Variants in MYO18A observed in about 807,000 individuals in gnomAD.
The protein encoded by MYO18A is myosin XVIIIA, also known as unconventional myosin-XVIIIa.
In MYO18A, 78 loss-of-function variants were observed where a neutral mutation model predicts 235.8. The ratio of observed to expected loss-of-function variants is 0.33; its 90% CI spans 0.28 to 0.40. MYO18A has a LOEUF of 0.40. Among genes scored for constraint, MYO18A ranks in the 10% least tolerant of loss-of-function variants. MYO18A has a pLI of 1.00. For synonymous variants in MYO18A, 977 were observed against 1,077.8 expected (o/e 0.91, Z 1.83); for missense variants, 2,215 against 2,699.3 (o/e 0.82, Z 3.98).
intron 41 of MYO18A, chr17:29,081,127 G>C (rs764048916): frequency 2.4e-5 from 11 of 461,828 alleles, no homozygotes; most frequent in Non-Finnish European, 3.1e-5. Context: ...CAGGGGGAGG[G>C]AGGCGAAAGG....
At chr17:29,099,906 G>C in intron 21 of MYO18A, 144 bp from the exon 22 acceptor site, 1 of 1,201,844 alleles carries the variant, frequency 8.3e-7, no homozygotes, top group South Asian at 1.6e-5. Flanking sequence ...AATTGTCCAA[G>C]AGAGGAGGGG....
Position 29,120,595 on chromosome 17 carries a change from A to G in MYO18A, c.1728+21T>C. The G allele has an allele frequency of 6.2e-7, 1 of 1,609,240 alleles. No individual in the cohort carries two copies. Among genetic ancestry groups the G allele is most frequent in the Non-Finnish European group, 8.5e-7 (1 of 1,177,498 alleles). On this transcript the variant is annotated intron_variant, in intron 7 of 41. Coordinates refer to ENST00000527372, the MANE Select transcript of MYO18A (RefSeq NM_078471.4). The surrounding 1 kb of genome is among the most constrained non-coding windows in gnomAD (Gnocchi z 4.2). ...ATGTGGCCTGTGTCCTACTACCCCG[A>G]GTCCTGGGCAGCACTCTCACCTGAA...
At chr17:29,130,427 CAAAAA>C (rs201244443) in intron 2 of MYO18A, among the ~76,000 whole-genome samples, 1 of 147,124 alleles carries the variant, frequency 6.8e-6, no homozygotes, top group East Asian at 2.0e-4. Flanking sequence ...GTAGTTTTTG[CAAAAA>C]AAATAAAATA....
chr17:29,076,772 T>G (rs72815764), intron 41 of MYO18A: 3 of 152,220 alleles, frequency 2.0e-5, no homozygotes, highest in Admixed American at 6.5e-5. Flanking sequence ...ATTCTTTACA[T>G]AGAATTTCTG....
Position 29,119,413 on chromosome 17 carries a change from C to A in MYO18A, c.1751G>T (p.Arg584Leu), listed in dbSNP as rs752350453. 1.9e-6 allele frequency: 3 copies of A among 1,611,128 alleles called. No individual in the cohort carries two copies. The highest frequency in any genetic ancestry group is 1.7e-4 in the Middle Eastern group (1 of 5,976). ...TTCACTGGCTGGGCGCCGAGCCACA[C>A]GCAGCTTCTCCAGAAGCATTGTCTG... ...SIQTMLLEKL[R>L]VARRPASEAT... Residue 584 changes from arginine to leucine, a missense_variant, in exon 8 of 42, where the codon CGT (arginine) becomes CTT (leucine). Physicochemically the swap from Arg to Leu is moderately radical, Grantham distance 102. Transcript: ENST00000527372.
chr17:29,073,714 CA>C lies in MYO18A; in HGVS notation c.*1055del. ...GGTGGGGGCTGGGACCTCCAGACCA[CA>C]TGGTGTTGTGTCTGGGATAAGTGTG... On this transcript the variant is annotated 3_prime_UTR_variant, in exon 42 of 42. Coordinates refer to ENST00000527372, the MANE Select transcript of MYO18A (RefSeq NM_078471.4). 1 of 919,844 alleles carries C rather than the reference CA, an allele frequency of 1.1e-6. No individual in the cohort carries two copies. The highest frequency in any genetic ancestry group is 2.3e-5 in the Admixed American group (1 of 42,880). The allele number at this position is 919,844 out of a possible 1,614,324, so 57.0% of individuals were successfully genotyped here. A position where few individuals can be genotyped will look rare whatever the true frequency, so the allele number is the denominator to read the frequency against.
intron 2 of MYO18A, among the ~76,000 whole-genome samples, chr17:29,142,031 G>A (rs1285341343): frequency 2.0e-5 from 3 of 152,044 alleles, no homozygotes; most frequent in Non-Finnish European, 4.4e-5. Flanking sequence ...TGCAAGCTCC[G>A]CCTCCCGGGT....
At chr17:29,163,375 C>T (rs1399137011) in intron 2 of MYO18A, among the ~76,000 whole-genome samples, 1 of 152,202 alleles carries the variant, frequency 6.6e-6, no homozygotes, top group East Asian at 1.9e-4. Flanking sequence ...CACCACCTAC[C>T]TGGGTGAGAA....
rs763230059 is a variant in MYO18A at position 29,096,838 on chromosome 17, C to A, written c.4308G>T (p.Thr1436=). The A allele has an allele frequency of 1.2e-5, 19 of 1,595,674 alleles. No individual in the cohort carries two copies. In the East Asian group the frequency reaches 4.3e-4, roughly 36 times the overall value. ...GCAGCTTGGTGTCTTGCAGCTCAGC[C>A]GTCAGTCGCTGGCACTTCTTCTTGA... ...QQLKKKCQRL[T]AELQDTKLHL... The change falls in exon 28 of 42, where the codon ACG becomes ACT. Residue 1436 remains threonine (T), a synonymous_variant. Transcript: ENST00000527372.
At chr17:29,135,499 A>G (rs1160769417) in intron 2 of MYO18A, among the ~76,000 whole-genome samples, 1 of 152,182 alleles carries the variant, frequency 6.6e-6, no homozygotes, top group Non-Finnish European at 1.5e-5. Flanking sequence ...TGCTTTGTTG[A>G]CTTCTGTTTT....
At chr17:29,122,085 C>A in intron 3 of MYO18A, 81 bp downstream of exon 3, 1 of 1,527,690 alleles carries the variant, frequency 6.5e-7, no homozygotes, top group Non-Finnish European at 9.0e-7. Flanking sequence ...TCAGCCCTCA[C>A]CAGATGCAGA....
intron 2 of MYO18A, among the ~76,000 whole-genome samples, chr17:29,147,620 A>G (rs562089912): frequency 2.0e-4 from 30 of 149,686 alleles, no homozygotes; most frequent in African/African-American, 7.1e-4. Context: ...AAGTCAAGGT[A>G]GTCAGGCATG....
intron 2 of MYO18A, among the ~76,000 whole-genome samples, chr17:29,133,388 C>T (rs1166317852): frequency 6.6e-6 from 1 of 152,220 alleles, no homozygotes; most frequent in Non-Finnish European, 1.5e-5. Context: ...GGCCTGACTC[C>T]CCACCCTTGG....
intron 36 of MYO18A, 83 bp downstream of exon 36, chr17:29,090,449 T>C: frequency 3.1e-6 from 4 of 1,286,192 alleles, no homozygotes; most frequent in Non-Finnish European, 4.4e-6. Context: ...GAAAAGCGCC[T>C]TCTAAACTGT....
At chr17:29,131,220 GC>G (rs2067464302) in intron 2 of MYO18A, among the ~76,000 whole-genome samples, 1 of 152,120 alleles carries the variant, frequency 6.6e-6, no homozygotes, top group Admixed American at 6.5e-5. Context: ...ACAGGAAGGG[GC>G]CCCCTGCAAT....
At chr17:29,179,270 C>T (rs1050129870) in intron 1 of MYO18A, among the ~76,000 whole-genome samples, 1 of 151,692 alleles carries the variant, frequency 6.6e-6, no homozygotes, top group Non-Finnish European at 1.5e-5. Flanking sequence ...TCTCCCCCAC[C>T]CCCCACCTCT....
Position 29,109,721 on chromosome 17 carries a change from G to T in MYO18A, c.3331+137C>A. The stretch of plus-strand genomic sequence containing the variant: ...GGCTGTGGGCTGGGAGAGATGAGGA[G>T]AGACCAGAGCAGAAAGGATCGTGAG... On this transcript the variant is annotated intron_variant, in intron 19 of 41. Coordinates refer to ENST00000527372, the MANE Select transcript of MYO18A (RefSeq NM_078471.4). This position sits in a 1 kb window ranked among gnomAD's most constrained non-coding sequence, Gnocchi z 4.1. The T allele has an allele frequency of 1.8e-6, 2 of 1,133,208 alleles. No individual in the cohort carries two copies. Among genetic ancestry groups the T allele is most frequent in the Non-Finnish European group, 2.5e-6 (2 of 800,852 alleles). The allele number at this position is 1,133,208 out of a possible 1,614,324, so 70.2% of individuals were successfully genotyped here.
At position 29,072,223 on chromosome 17, in the gene MYO18A, T is replaced by C. The variant is rs2065892207; in HGVS notation, c.*2547A>G. ...CAGCCTTTTTTTTTTTTTTTTTTTT[T>C]TTGTAAAAAAAAGTAACTTAGGCCA... On this transcript the variant is annotated 3_prime_UTR_variant, in exon 42 of 42. Transcript: ENST00000527372. 7.0e-6 allele frequency: 1 copy of C among 142,522 alleles called. No individual in the cohort carries two copies. Among genetic ancestry groups the C allele is most frequent in the African/African-American group, 2.9e-5 (1 of 34,250 alleles). 8.8% of individuals were successfully genotyped at this position (142,522 alleles called of 1,614,324 possible).
rs771546285 is a variant in MYO18A, at chr17:29,140,430, G to A, written c.1000-18177C>T. 7.9e-7 allele frequency: 1 copy of A among 1,266,810 alleles called. No homozygotes were observed. The highest frequency in any genetic ancestry group is 2.5e-5 in the Admixed American group (1 of 39,446). 78.5% of individuals were successfully genotyped at this position (1,266,810 alleles called of 1,614,324 possible). On this transcript the variant is annotated intron_variant, in intron 2 of 41. Coordinates refer to ENST00000527372, the MANE Select transcript of MYO18A (RefSeq NM_078471.4). The surrounding 1 kb of genome is among the most constrained non-coding windows in gnomAD (Gnocchi z 4.2). Reference sequence around the variant, plus strand: ...TTAGCAGCTCAAAATAGCACAGGCTGTGGCCCCGCCCAGTTCCCGCCCTCT... The same window carrying A: ...TTAGCAGCTCAAAATAGCACAGGCTATGGCCCCGCCCAGTTCCCGCCCTCT...
Sources: gnomAD v4.1 joint callset for allele counts (sites outside exome capture counted in the v4.1 genomes callset) on GRCh38, gnomAD v4.1.1 for gene constraint, Gnocchi (gnomAD v3.1) non-coding constraint, MANE v1.5 for transcripts, NCBI Gene and HGNC (gene_info 2026-07-23, HGNC 2026-07-21) for gene names.